The following CHAF1A variants were observed in gnomAD, a reference collection of about 807,000 sequenced individuals.
The protein encoded by CHAF1A is CAF-1 subunit A.
CHAF1A carries 5 observed loss-of-function variants against 93.2 expected under a neutral mutation model. That is an observed-to-expected ratio of 0.05 (90% CI 0.03 to 0.11). The LOEUF (loss-of-function observed/expected upper bound fraction) is 0.11. Ranked by LOEUF, CHAF1A falls within the 10% of genes least tolerant of loss-of-function variation. CHAF1A has a pLI of 1.00. For missense variants in CHAF1A, 1,102 were observed against 1,259.9 expected, an observed-to-expected ratio of 0.87 and a Z score of 1.90; for synonymous variants, 504 against 510.3, an observed-to-expected ratio of 0.99 and a Z score of 0.17.
rs866200308 is a variant in CHAF1A, at chr19:4,430,021, C to T, written c.1854+233C>T. ...TGGCTGCTGGGGATGGGATCCCGTC[C>T]GCATCTGCACCGTGGCCCCACAGCC... On this transcript the variant is annotated intron_variant, in intron 10 of 14. Coordinates refer to ENST00000301280, the MANE Select transcript of CHAF1A (RefSeq NM_005483.3). 28 of 499,912 alleles carry T rather than the reference C, an allele frequency of 5.6e-5. No homozygotes were observed. In the South Asian group the frequency reaches 5.9e-4, roughly 10 times the overall value. The allele number at this position is 499,912 out of a possible 1,614,324, so 31.0% of individuals were successfully genotyped here.
At chr19:4,440,826 A>T (rs2145152614) in intron 13 of CHAF1A, among the ~76,000 whole-genome samples, 1 of 151,728 alleles carries the variant, frequency 6.6e-6, no homozygotes, top group African/African-American at 2.4e-5. Flanking sequence ...AACATAGAAA[A>T]GGCACAGCAG....
chr19:4,446,201 G>C, downstream of CHAF1A: 1 of 1,597,972 alleles, frequency 6.3e-7, no homozygotes, highest in Middle Eastern at 1.7e-4. Flanking sequence ...AAAGTGCCTG[G>C]GGAGTGGGGG....
At chr19:4,435,280 C>T (rs555182874) in intron 13 of CHAF1A, among the ~76,000 whole-genome samples, 2 of 150,842 alleles carry the variant, frequency 1.3e-5, no homozygotes, top group East Asian at 2.0e-4. Context: ...TTAGTAGAGA[C>T]GGGGTTTTAC....
chr19:4,443,780 C>T (rs1974443357), downstream of CHAF1A, among the ~76,000 whole-genome samples: 1 of 152,186 alleles, frequency 6.6e-6, no homozygotes, highest in Non-Finnish European at 1.5e-5. Context: ...AGGTGACCTC[C>T]TCCCCGCCCC....
At chr19:4,439,479 C>T (rs1008764882) in intron 13 of CHAF1A, among the ~76,000 whole-genome samples, 2 of 152,086 alleles carry the variant, frequency 1.3e-5, no homozygotes, top group African/African-American at 2.4e-5. Flanking sequence ...CAGTGGGACT[C>T]GGTGTTATGT....
At position 4,422,667 on chromosome 19, in the gene CHAF1A, G is replaced by C; in HGVS notation, c.1119G>C (p.Lys373Asn). The C allele has an allele frequency of 6.2e-7, 1 of 1,609,142 alleles. No individual in the cohort carries two copies. Among genetic ancestry groups the C allele is most frequent in the Non-Finnish European group, 8.5e-7 (1 of 1,177,750 alleles). Reference protein sequence around the residue: ...EAKRAKEEAKKKKEEEKELKE... With the variant: ...EAKRAKEEAKNKKEEEKELKE... ...AGCGGGCCAAGGAGGAGGCCAAGAA[G>C]AAGAAGGAGGAAGAGAAGGAGCTTA... Residue 373 changes from lysine (K) to asparagine (N), a missense_variant, in exon 5 of 15, where the codon AAG becomes AAC. Transcript: ENST00000301280. The surrounding 1 kb of genome is among the most constrained non-coding windows in gnomAD (Gnocchi z 4.6).
chr19:4,432,136 T>C lies in CHAF1A; in HGVS notation c.2132T>C (p.Phe711Ser). The C allele has an allele frequency of 1.2e-6, 2 of 1,613,402 alleles. No homozygotes were observed. The highest frequency in any genetic ancestry group is 1.7e-5 in the Admixed American group (1 of 59,984). The change falls in exon 12 of 15, where the codon TTC becomes TCC. Residue 711 changes from phenylalanine (F) to serine (S), a missense_variant. Physicochemically the swap from Phe to Ser is radical, Grantham distance 155 (BLOSUM62 -2). Transcript: ENST00000301280. ...LKVLQQFAAC[F>S]LETLPAQEEQ... Reference sequence around the variant, plus strand: ...GTACTGCAGCAGTTCGCAGCCTGCTTCCTGGAGACCCTGCCGGCCCAGGAG... The same window carrying C: ...GTACTGCAGCAGTTCGCAGCCTGCTCCCTGGAGACCCTGCCGGCCCAGGAG...
intron 13 of CHAF1A, among the ~76,000 whole-genome samples, chr19:4,438,484 C>T (rs191688456): frequency 2.6e-5 from 4 of 151,970 alleles, no homozygotes; most frequent in African/African-American, 9.6e-5. Context: ...CAGACCTGAG[C>T]CAGGGAGTCT....
chr19:4,448,068 C>T (rs1485387280), downstream of CHAF1A: 3 of 565,364 alleles, frequency 5.3e-6, no homozygotes, highest in Non-Finnish European at 9.5e-6. Flanking sequence ...CACATGTTCC[C>T]CAAGGAAGCC....
chr19:4,435,958 G>A (rs1380688034), intron 13 of CHAF1A, among the ~76,000 whole-genome samples: 1 of 152,178 alleles, frequency 6.6e-6, no homozygotes, highest in Non-Finnish European at 1.5e-5. Context: ...GGCCAACATG[G>A]TGAAACCCTG....
At chr19:4,414,845 ACT>A (rs1235132993) in intron 3 of CHAF1A, among the ~76,000 whole-genome samples, 4 of 151,696 alleles carry the variant, frequency 2.6e-5, no homozygotes, top group African/African-American at 9.7e-5. Flanking sequence ...CCCAGCTTGC[ACT>A]CTCTCATGCT....
chr19:4,438,806 A>AC (rs1479387395), intron 13 of CHAF1A, among the ~76,000 whole-genome samples: 3 of 151,942 alleles, frequency 2.0e-5, no homozygotes, highest in Admixed American at 6.6e-5. Flanking sequence ...ACATGGTGAA[A>AC]CCCGTCTCTA....
intron 7 of CHAF1A, among the ~76,000 whole-genome samples, chr19:4,427,425 C>G (rs937157140): frequency 2.8e-5 from 4 of 144,802 alleles, no homozygotes; most frequent in African/African-American, 1.0e-4. Flanking sequence ...CTCTGCCTCC[C>G]AGGTTCAAGC....
intron 14 of CHAF1A, 123 bp from the exon 15 acceptor site, chr19:4,442,802 C>T: frequency 3.0e-6 from 2 of 667,696 alleles, no homozygotes; most frequent in Non-Finnish European, 5.0e-6. Context: ...CCTGTCCCCA[C>T]TGTCAGGTGG....
intron 12 of CHAF1A, 39 bp downstream of exon 12, chr19:4,432,246 G>A (rs764393436): frequency 5.6e-5 from 87 of 1,557,372 alleles, no homozygotes; most frequent in Non-Finnish European, 7.6e-5. Context: ...CCTGTTCCTG[G>A]GCCCAGCTAA....
At chr19:4,411,644 C>CTTTTTTTTTTTTGTTTTTTTTT (rs1973802597) in intron 3 of CHAF1A, among the ~76,000 whole-genome samples, 1 of 48,204 alleles carries the variant, frequency 2.1e-5, no homozygotes, top group Non-Finnish European at 4.1e-5. Context: ...TGGTGCAAAT[C>CTTTTTTTTTTTTGTTTTTTTTT]TTTTTTTTTT....
chr19:4,445,027 T>G (rs539142110), downstream of CHAF1A: 57 of 161,488 alleles, frequency 3.5e-4, 1 homozygote, highest in Middle Eastern at 6.4e-3. Flanking sequence ...AACCTGTTTA[T>G]TTGGGCTTAT....
chr19:4,431,100 TCCA>T (rs1974174484), intron 11 of CHAF1A: 1 of 159,490 alleles, frequency 6.3e-6, no homozygotes, highest in Admixed American at 6.0e-5. Context: ...GCCACCCCTT[TCCA>T]GATTCCATAA....
rs1209783208 is a variant in CHAF1A, at chr19:4,433,224, C to A, written c.2358C>A (p.Pro786=). ...PSTTYLHTPT[P]SEDAAIPSKS... is the part of the protein sequence containing the mutation. ...CCACCTACCTGCACACCCCCACCCC[C>A]AGCGAGGATGCCGCCATCCCCTCTA... is the stretch of plus-strand genomic sequence containing the variant. Residue 786 remains proline, a synonymous_variant, in exon 13 of 15, where the codon CCC becomes CCA. Coordinates refer to ENST00000301280, the MANE Select transcript of CHAF1A (RefSeq NM_005483.3). The surrounding 1 kb of genome is among the most constrained non-coding windows in gnomAD (Gnocchi z 5.6). The A allele has an allele frequency of 1.2e-6, 2 of 1,614,048 alleles. No individual in the cohort carries two copies. The highest frequency in any genetic ancestry group is 1.7e-6 in the Non-Finnish European group (2 of 1,180,026).
Sources: allele counts gnomAD v4.1 joint callset (sites outside exome capture counted in the v4.1 genomes callset), GRCh38; gene constraint gnomAD v4.1.1; non-coding constraint Gnocchi (gnomAD v3.1); transcripts MANE v1.5; gene names NCBI Gene and HGNC (gene_info 2026-07-23, HGNC 2026-07-21).